Variants in MYO9A observed in about 807,000 individuals in gnomAD.
MYO9A encodes unconventional myosin-IXa.
A neutral mutation model predicts 293.3 loss-of-function variants in MYO9A; 103 were observed. That is an observed-to-expected ratio of 0.35 (90% CI 0.30 to 0.41). MYO9A has a LOEUF of 0.41. Ranked by LOEUF, MYO9A falls within the 10% of genes least tolerant of loss-of-function variation. The probability of loss-of-function intolerance (pLI) is 1.00; values close to 1 mark genes in which losing one functional copy is unlikely to be tolerated. For synonymous variants in MYO9A, 1,001 were observed against 1,035.7 expected, an observed-to-expected ratio of 0.97 and a Z score of 0.64; for missense variants, 2,685 against 3,033.0, an observed-to-expected ratio of 0.89 and a Z score of 2.69.
chr15:71,901,716 C>A (rs1468222277), intron 22 of MYO9A, among the ~76,000 whole-genome samples: 1 of 150,610 alleles, frequency 6.6e-6, no homozygotes, highest in Non-Finnish European at 1.5e-5. Flanking sequence ...GGAAAAATGA[C>A]AAGGTGAGCA....
chr15:71,910,844 T>C (rs1330025109), intron 19 of MYO9A, among the ~76,000 whole-genome samples: 2 of 152,212 alleles, frequency 1.3e-5, no homozygotes, highest in African/African-American at 4.8e-5. Context: ...GATTTTTAGT[T>C]CTTCATATTA....
rs1262713859 is a variant in MYO9A, at chr15:71,991,228, T to C, written c.1597A>G (p.Ile533Val). 8 of 1,595,196 alleles carry C rather than the reference T, an allele frequency of 5.0e-6. No homozygotes were observed. The highest frequency in any genetic ancestry group is 1.8e-5 in the Admixed American group (1 of 56,710). Residue 533 changes from isoleucine to valine, a missense_variant, in exon 11 of 42, where the codon ATT becomes GTT. By Grantham distance (29) the Ile-to-Val change is conservative (BLOSUM62 3). Coordinates refer to ENST00000356056, the MANE Select transcript of MYO9A (RefSeq NM_006901.4). ...AACCCAAAAATATCAAGAACACCAA[T>C]AGACAATGTCTGTAAAACAAGAGAA... ...DLEHNTKTLSIGVLDIFGFED... is the reference protein window; with the variant it reads ...DLEHNTKTLSVGVLDIFGFED...
intron 15 of MYO9A, among the ~76,000 whole-genome samples, chr15:71,943,812 A>G (rs2058841703): frequency 6.6e-6 from 1 of 152,146 alleles, no homozygotes; most frequent in South Asian, 2.1e-4. Context: ...GCCTTCCCTT[A>G]GCATACCACT....
At chr15:72,017,873 C>G (rs1198383547) in intron 6 of MYO9A, among the ~76,000 whole-genome samples, 1 of 151,942 alleles carries the variant, frequency 6.6e-6, no homozygotes, top group Non-Finnish European at 1.5e-5. Context: ...TAATTGAAAA[C>G]TTAAGAAAAA....
At chr15:71,828,815 T>G (rs944456386) in intron 40 of MYO9A, among the ~76,000 whole-genome samples, 1 of 152,220 alleles carries the variant, frequency 6.6e-6, no homozygotes, top group African/African-American at 2.4e-5. Context: ...CTACTTTATC[T>G]AAGCTACTTT....
At chr15:71,899,178 T>G in intron 24 of MYO9A, 146 bp from the exon 25 acceptor site, 1 of 721,786 alleles carries the variant, frequency 1.4e-6, no homozygotes, top group East Asian at 2.6e-5. Context: ...TGAATGCACA[T>G]TTCATAATTT....
intron 18 of MYO9A, among the ~76,000 whole-genome samples, chr15:71,917,380 C>G (rs945466099): frequency 1.3e-5 from 2 of 151,942 alleles, no homozygotes; most frequent in African/African-American, 2.4e-5. Context: ...ACTAAAAATA[C>G]AAAAATTAGG....
chr15:71,889,142 G>A (rs2057104241), intron 26 of MYO9A, among the ~76,000 whole-genome samples: 1 of 152,172 alleles, frequency 6.6e-6, no homozygotes, highest in Non-Finnish European at 1.5e-5. Context: ...TACTGGAGAG[G>A]AGTGAGAAGC....
intron 1 of MYO9A, among the ~76,000 whole-genome samples, chr15:72,080,513 C>T (rs62024421): frequency 0.024 from 3,654 of 151,676 alleles, 87 homozygotes; most frequent in Non-Finnish European, 0.034. Flanking sequence ...AGCCAGAAAG[C>T]GTTAATACCA....
intron 34 of MYO9A, among the ~76,000 whole-genome samples, chr15:71,857,878 A>G (rs532996840): frequency 2.6e-4 from 40 of 152,420 alleles, no homozygotes; most frequent in African/African-American, 9.4e-4. Context: ...GCTAATATCC[A>G]GAATCTACAA....
Position 71,865,453 on chromosome 15 carries a change from A to G in MYO9A, c.5980-2842T>C, listed in dbSNP as rs552182249. ...TATATGAAATGTTATATATCCATAC[A>G]ACAGAATATTTGGCTTTACAAAGGA... On this transcript the variant is annotated intron_variant, in intron 32 of 41. Transcript: ENST00000356056. 7.9e-5 allele frequency among the ~76,000 whole-genome samples: 12 copies of G among 152,346 alleles called. No individual in the cohort carries two copies. The South Asian group carries it at 1.0e-3, about 13-fold the overall frequency.
At chr15:72,115,576 C>T (rs1211194050) in intron 1 of MYO9A, among the ~76,000 whole-genome samples, 2 of 152,216 alleles carry the variant, frequency 1.3e-5, no homozygotes, top group African/African-American at 4.8e-5. Flanking sequence ...CACCATTTGC[C>T]TGGATAACCC....
Position 71,848,852 on chromosome 15 carries a change from C to G in MYO9A, c.6830G>C (p.Arg2277Thr). ...CCATGTGTTGCATCTTACCATTGAT[C>G]TACGAATCAGTGACAACCTGGTCTT... ...KAKTRLSLIR[R>T]SMGKGRIRRG... The change falls in exon 39 of 42, where the codon AGA (arginine) becomes ACA (threonine). Residue 2277 changes from arginine to threonine, a missense_variant. By Grantham distance (71) the Arg-to-Thr change is moderately conservative. This residue lies in a region of MYO9A where 350 missense variants were observed against 328.9 expected (regional missense o/e 1.06). Coordinates refer to ENST00000356056, the MANE Select transcript of MYO9A (RefSeq NM_006901.4). 6.2e-7 allele frequency: 1 copy of G among 1,602,922 alleles called. No homozygotes were observed. The highest frequency in any genetic ancestry group is 8.5e-7 in the Non-Finnish European group (1 of 1,177,264).
At chr15:72,030,460 C>A (rs941513495) in intron 3 of MYO9A, among the ~76,000 whole-genome samples, 1 of 152,040 alleles carries the variant, frequency 6.6e-6, no homozygotes, top group African/African-American at 2.4e-5. Context: ...AATACCAAAC[C>A]CACATATATA....
intron 4 of MYO9A, among the ~76,000 whole-genome samples, chr15:72,026,275 G>GAAAAAAAAAAAAAAAA (rs35491673): frequency 1.6e-5 from 1 of 63,500 alleles, no homozygotes; most frequent in African/African-American, 6.7e-5. Flanking sequence ...TCCGTCTCAA[G>GAAAAAAAAAAAAAAAA]AAAAAAAAAA....
rs762332562 is a variant in MYO9A, at chr15:71,916,538, A to G, written c.2563-46T>C. 1.3e-4 allele frequency: 199 copies of G among 1,562,132 alleles called. No individual in the cohort carries two copies. The Middle Eastern group carries it at 5.6e-3, about 44-fold the overall frequency. On this transcript the variant is annotated intron_variant, in intron 18 of 41. Transcript: ENST00000356056. ...AATTGCTCACATAAATTAATCTAAC[A>G]ATAAGCCAAAATTCTCAGCCAGTTT...
intron 11 of MYO9A, among the ~76,000 whole-genome samples, chr15:71,980,819 C>T (rs1413915453): frequency 2.0e-5 from 3 of 152,168 alleles, no homozygotes; most frequent in Non-Finnish European, 4.4e-5. Flanking sequence ...CCCTGGGCTG[C>T]AGAGCGAGAC....
chr15:72,083,440 T>G (rs900157723), intron 1 of MYO9A, among the ~76,000 whole-genome samples: 8 of 152,170 alleles, frequency 5.3e-5, no homozygotes, highest in African/African-American at 1.4e-4. Flanking sequence ...ATCTATTAAT[T>G]TTTTCAAAAA....
intron 32 of MYO9A, among the ~76,000 whole-genome samples, chr15:71,871,175 C>T (rs1374271695): frequency 6.6e-6 from 1 of 152,000 alleles, no homozygotes; most frequent in Non-Finnish European, 1.5e-5. Context: ...GAGTTTGAGA[C>T]CAGACTGGGC....
Sources: allele counts gnomAD v4.1 joint callset (sites outside exome capture counted in the v4.1 genomes callset), GRCh38; gene constraint gnomAD v4.1.1; regional missense constraint gnomAD v4.1.1; transcripts MANE v1.5; gene names NCBI Gene and HGNC (gene_info 2026-07-23, HGNC 2026-07-21).